The following KCNT1 variants were observed in gnomAD, a reference collection of about 807,000 sequenced individuals.
KCNT1 encodes the protein potassium channel subfamily T member 1.
In KCNT1, 78 loss-of-function variants were observed where a neutral mutation model predicts 147.8. The observed-to-expected ratio is 0.53, with a 90% confidence interval of 0.44 to 0.64. The LOEUF is 0.64. Among genes scored for constraint, KCNT1 ranks in the 30% least tolerant of loss-of-function variants. The probability of loss-of-function intolerance (pLI) is 0.00; values close to 1 mark genes in which losing one functional copy is unlikely to be tolerated. For synonymous variants in KCNT1, 867 were observed against 748.8 expected, an observed-to-expected ratio of 1.16 and a Z score of -2.58; for missense variants, 1,419 against 1,750.3, an observed-to-expected ratio of 0.81 and a Z score of 3.38.
intron 1 of KCNT1, among the ~76,000 whole-genome samples, chr9:135,709,138 A>G (rs1420836612): frequency 6.6e-6 from 1 of 152,192 alleles, no homozygotes; most frequent in South Asian, 2.1e-4. Context: ...GACAGTCTCT[A>G]TATCACCTAC....
In KCNT1 at chr9:135,770,899, G is replaced by A. The variant is rs754003723; in HGVS notation, c.1812G>A (p.Lys604=). 3.9e-5 allele frequency: 63 copies of A among 1,601,944 alleles called. No homozygotes were observed. Among genetic ancestry groups the A allele is most frequent in the Non-Finnish European group, 5.2e-5 (61 of 1,174,002 alleles). Residue 604 remains lysine, a synonymous_variant, in exon 18 of 31, where the codon AAG becomes AAA. Transcript: ENST00000371757. The part of the protein sequence containing the change: ...CLIGLKREDN[K]SILLNPGPRH... ...TCGGGCTGAAGCGGGAGGACAACAAGAGCATCCTGCTGAACCCGGGGCCCC... is the reference window on the plus strand; with the variant it reads ...TCGGGCTGAAGCGGGAGGACAACAAAAGCATCCTGCTGAACCCGGGGCCCC...
At chr9:135,735,606 C>A (rs1049701328) in intron 2 of KCNT1, among the ~76,000 whole-genome samples, 2 of 152,092 alleles carry the variant, frequency 1.3e-5, no homozygotes, top group African/African-American at 4.8e-5. Flanking sequence ...TGGGGCGGGC[C>A]GGCCCACTCC....
At chr9:135,756,962 A>G (rs1831521016) in intron 7 of KCNT1, 30 bp downstream of exon 7, 3 of 1,589,226 alleles carry the variant, frequency 1.9e-6, no homozygotes, top group Non-Finnish European at 2.6e-6. Context: ...GGCACCTCAC[A>G]GGGGGTCCCC....
chr9:135,762,468 C>G (rs58322339), intron 11 of KCNT1, among the ~76,000 whole-genome samples: 1 of 151,916 alleles, frequency 6.6e-6, no homozygotes, highest in African/African-American at 2.4e-5. Context: ...GAAAAAAGGG[C>G]CAGGCACAAT....
intron 20 of KCNT1, 152 bp from the exon 21 acceptor site, chr9:135,777,186 A>G (rs1159695782): frequency 2.7e-6 from 2 of 751,690 alleles, no homozygotes; most frequent in Non-Finnish European, 4.3e-6. Context: ...GTAGCTCCCC[A>G]CAGGCGTGTG....
chr9:135,707,376 G>A (rs1208333720), intron 1 of KCNT1, among the ~76,000 whole-genome samples: 3 of 152,068 alleles, frequency 2.0e-5, no homozygotes, highest in African/African-American at 4.8e-5. Flanking sequence ...GTCCCCTGCC[G>A]GCTCCAGGCT....
Position 135,771,014 on chromosome 9 carries a change from C to T in KCNT1, c.1927C>T (p.Arg643Trp), listed in dbSNP as rs532620254. Residue 643 changes from arginine to tryptophan, a missense_variant, in exon 18 of 31, where the codon CGG (arginine) becomes TGG (tryptophan). Arg to Trp is a moderately radical substitution (Grantham distance 101). Around this residue, in one of 5 missense-constraint regions of KCNT1, gnomAD observed 284 missense variants for 292.8 expected, o/e 0.97. Coordinates refer to ENST00000371757, the MANE Select transcript of KCNT1 (RefSeq NM_020822.3). Reference protein sequence around the residue: ...SAFIFKQEEKRKKRAFSGQGL... With the variant: ...SAFIFKQEEKWKKRAFSGQGL... ...CTTCATCTTCAAGCAGGAGGAGAAG[C>T]GGAAGAAGAGGGCCTTCTCGGGGCA... 2.5e-5 allele frequency: 41 copies of T among 1,613,568 alleles called. No individual in the cohort carries two copies. The highest frequency in any genetic ancestry group is 1.1e-4 in the East Asian group (5 of 44,866).
intron 1 of KCNT1, among the ~76,000 whole-genome samples, chr9:135,708,872 G>A (rs749060613): frequency 2.6e-5 from 4 of 152,176 alleles, no homozygotes; most frequent in African/African-American, 4.8e-5. Flanking sequence ...AAGTCTTTGC[G>A]GGAAAGGACA....
intron 2 of KCNT1, chr9:135,742,697 GTCTA>G (rs886078184): frequency 2.8e-6 from 2 of 715,822 alleles, no homozygotes; most frequent in Non-Finnish European, 5.2e-6. Flanking sequence ...CCATCCGTCC[GTCTA>G]TCTGTCTGCT....
At chr9:135,732,037 G>C (rs1319594033) in intron 2 of KCNT1, among the ~76,000 whole-genome samples, 1 of 140,896 alleles carries the variant, frequency 7.1e-6, no homozygotes, top group Admixed American at 7.1e-5. Context: ...GAGAGAGAGA[G>C]AGAGGGAGTC....
intron 10 of KCNT1, among the ~76,000 whole-genome samples, chr9:135,758,843 G>A (rs1487599754): frequency 2.0e-5 from 3 of 152,240 alleles, no homozygotes; most frequent in Middle Eastern, 3.2e-3. Flanking sequence ...CTGAAAGCAG[G>A]GTCTGGAGGC....
intron 23 of KCNT1, 57 bp from the exon 24 acceptor site, chr9:135,779,302 C>A (rs1833427602): frequency 9.1e-7 from 1 of 1,100,584 alleles, no homozygotes; most frequent in South Asian, 1.3e-5. Flanking sequence ...TGGGCCCCCA[C>A]CCTGAGACCT....
intron 2 of KCNT1, among the ~76,000 whole-genome samples, chr9:135,749,761 T>C (rs1831043262): frequency 6.6e-6 from 1 of 152,038 alleles, no homozygotes; most frequent in South Asian, 2.1e-4. Context: ...GCAGGTGCCC[T>C]GCACCCACGG....
intron 2 of KCNT1, among the ~76,000 whole-genome samples, chr9:135,748,984 C>A (rs1031942053): frequency 6.6e-6 from 1 of 152,188 alleles, no homozygotes; most frequent in South Asian, 2.1e-4. Context: ...GGAGGACAGC[C>A]CAGCACCCCA....
intron 1 of KCNT1, among the ~76,000 whole-genome samples, chr9:135,711,918 T>G (rs962082417): frequency 8.5e-5 from 13 of 152,338 alleles, no homozygotes; most frequent in African/African-American, 3.1e-4. Context: ...GCTGTCTGGT[T>G]ACATCTTCAC....
Position 135,794,704 on chromosome 9 carries a change from AGCT to A in KCNT1, c.*2546_*2548del, listed in dbSNP as rs1834726720. 1 of 152,210 alleles carries A rather than the reference AGCT, an allele frequency of 6.6e-6. No individual in the cohort carries two copies. The highest frequency in any genetic ancestry group is 2.4e-5 in the African/African-American group (1 of 41,452). The allele number at this position is 152,210 out of a possible 1,614,324, so 9.4% of individuals were successfully genotyped here. A position where few individuals can be genotyped will look rare whatever the true frequency, so the allele number is the denominator to read the frequency against. On this transcript the variant is annotated 3_prime_UTR_variant, in exon 31 of 31. Coordinates refer to ENST00000371757, the MANE Select transcript of KCNT1 (RefSeq NM_020822.3). Reference sequence around the variant, plus strand: ...AGATGCCAGCTGCCAGCCCAAGAAAAGCTGCCTGCAGCATCTGGAAACTTCTGT... The same window carrying A: ...AGATGCCAGCTGCCAGCCCAAGAAAAGCCTGCAGCATCTGGAAACTTCTGT...
intron 13 of KCNT1, among the ~76,000 whole-genome samples, chr9:135,768,272 T>TGG (rs1182329022): frequency 4.3e-3 from 12 of 2,822 alleles, no homozygotes; most frequent in Non-Finnish European, 7.8e-3. Context: ...GGGATACCGG[T>TGG]GGGGGGGGCA....
In KCNT1 at chr9:135,786,545, G is replaced by GGGCC. The variant is rs777148711; in HGVS notation, c.3502+27_3502+30dup. The GGGCC allele has an allele frequency of 2.8e-5, 43 of 1,547,506 alleles. 1 individual carries two copies. The South Asian group carries it at 5.0e-4, about 18-fold the overall frequency. On this transcript the variant is annotated intron_variant, in intron 29 of 30. Transcript: ENST00000371757. Reference sequence around the variant, plus strand: ...CGGTAAGGGCACACGGCGCGGGTGGGGGCCGGACGGACGGACTGGGCCAGG... The same window carrying GGGCC: ...CGGTAAGGGCACACGGCGCGGGTGGGGGCCGGCCGGACGGACGGACTGGGCCAGG...
chr9:135,726,865 CTCT>C (rs1836176004), intron 2 of KCNT1, among the ~76,000 whole-genome samples: 1 of 112,374 alleles, frequency 8.9e-6, no homozygotes, highest in Non-Finnish European at 2.0e-5. Context: ...CTCTCCCTCT[CTCT>C]TTCCCATTCT....
Sources: allele counts gnomAD v4.1 joint callset (sites outside exome capture counted in the v4.1 genomes callset), GRCh38; gene constraint gnomAD v4.1.1; regional missense constraint gnomAD v4.1.1; transcripts MANE v1.5; gene names NCBI Gene and HGNC (gene_info 2026-07-23, HGNC 2026-07-21).